The following ADCY3 variants were observed in gnomAD, a reference collection of about 807,000 sequenced individuals.
The protein encoded by ADCY3 is adenylate cyclase type 3.
In ADCY3, 70 loss-of-function variants were observed where a neutral mutation model predicts 119.4. The observed-to-expected ratio is 0.59, with a 90% CI of 0.48 to 0.72. The LOEUF is 0.72. Among genes scored for constraint, ADCY3 ranks in the 30% least tolerant of loss-of-function variants. ADCY3 has a pLI of 0.00. For synonymous variants in ADCY3, 672 were observed against 621.4 expected (o/e 1.08, Z -1.21); for missense variants, 1,238 against 1,541.6 (o/e 0.80, Z 3.30).
chr2:24,879,377 C>T (rs1289789415), intron 2 of ADCY3, among the ~76,000 whole-genome samples: 2 of 147,268 alleles, frequency 1.4e-5, no homozygotes, highest in Admixed American at 6.9e-5. Context: ...GGCATGAACC[C>T]GGGAGGCGGA....
chr2:24,877,485 G>A (rs1289159015), intron 2 of ADCY3, among the ~76,000 whole-genome samples: 1 of 152,220 alleles, frequency 6.6e-6, no homozygotes, highest in African/African-American at 2.4e-5. Flanking sequence ...CCTGAGGACA[G>A]CGGACAGGGT....
chr2:24,850,107 G>A lies in ADCY3; in HGVS notation c.826-7723C>T, dbSNP rs535316245. Among the ~76,000 whole-genome samples the A allele has an allele frequency of 3.3e-3, 497 of 151,684 alleles. 6 individuals are homozygous for A. The highest frequency in any genetic ancestry group is 0.011 in the African/African-American group (466 of 41,328). On this transcript the variant is annotated intron_variant, in intron 3 of 21. Coordinates refer to ENST00000679454, the MANE Select transcript of ADCY3 (RefSeq NM_004036.5). The stretch of plus-strand genomic sequence containing the variant: ...AACATTCCTCCCTCCCCACACCTTC[G>A]ACACCCACCTCACATGTCACCTCTC...
chr2:24,831,800 G>A, intron 11 of ADCY3, 51 bp from the exon 12 acceptor site: 2 of 1,389,748 alleles, frequency 1.4e-6, no homozygotes, highest in Non-Finnish European at 2.0e-6. Flanking sequence ...CAGTGAGATG[G>A]GGTGAGGGGC....
chr2:24,852,171 C>G (rs1010045950), intron 3 of ADCY3, among the ~76,000 whole-genome samples: 3 of 152,150 alleles, frequency 2.0e-5, no homozygotes, highest in Non-Finnish European at 4.4e-5. Context: ...TCCGGTGGGT[C>G]CTTCCTCACA....
intron 2 of ADCY3, among the ~76,000 whole-genome samples, chr2:24,876,799 C>G (rs1675765348): frequency 6.6e-6 from 1 of 152,206 alleles, no homozygotes; most frequent in Non-Finnish European, 1.5e-5. Flanking sequence ...AACTTGAACC[C>G]TAGCGAGAAT....
chr2:24,852,445 C>T (rs1025810524), intron 3 of ADCY3, among the ~76,000 whole-genome samples: 1 of 152,182 alleles, frequency 6.6e-6, no homozygotes, highest in African/African-American at 2.4e-5. Flanking sequence ...TCCATGGCTC[C>T]CTCCCCACCC....
Position 24,838,622 on chromosome 2 carries a change from C to A in ADCY3, c.1356G>T (p.Gly452=). 6.2e-7 allele frequency: 1 copy of A among 1,613,730 alleles called. No homozygotes were observed. The highest frequency in any genetic ancestry group is 8.5e-7 in the Non-Finnish European group (1 of 1,180,008). ...ANKMEAGGIP[G]RVHISQSTMD... ...TGGTGCTCTGGGAGATGTGCACGCG[C>A]CTGGATTGCAGAGAGAGAGGCCCTG... The change falls in exon 8 of 22, where the codon GGG becomes GGT. Residue 452 remains glycine, a splice_region_variant and synonymous_variant. Transcript: ENST00000679454.
In ADCY3 at chr2:24,834,583, G is replaced by A; in HGVS notation, c.1869C>T (p.Arg623=). 6.2e-7 allele frequency: 1 copy of A among 1,614,146 alleles called. No individual in the cohort carries two copies. The highest frequency in any genetic ancestry group is 8.5e-7 in the Non-Finnish European group (1 of 1,180,034). The part of the protein sequence containing the change: ...MRFMDPEMET[R]YSVEKEKQSG... ...TCTGCTTCTCCTTCTCCACCGAGTA[G>A]CGGGTTTCCATCTCGGGGTCCATGA... is the stretch of plus-strand genomic sequence containing the variant. Residue 623 remains arginine (R), a synonymous_variant, in exon 11 of 22, where the codon CGC becomes CGT. Transcript: ENST00000679454. The surrounding 1 kb of genome is among the most constrained non-coding windows in gnomAD (Gnocchi z 4.2).
intron 3 of ADCY3, among the ~76,000 whole-genome samples, chr2:24,864,854 T>G (rs1263024361): frequency 6.6e-6 from 1 of 152,208 alleles, no homozygotes. Context: ...AAATGGTAAA[T>G]TTTATACTAT....
chr2:24,846,341 G>A (rs894950023), intron 3 of ADCY3, among the ~76,000 whole-genome samples: 2 of 152,222 alleles, frequency 1.3e-5, no homozygotes, highest in African/African-American at 4.8e-5. Context: ...CAGGGGCAGA[G>A]CTGCCCGAGA....
chr2:24,848,272 A>G (rs1474686595), intron 3 of ADCY3, among the ~76,000 whole-genome samples: 2 of 152,268 alleles, frequency 1.3e-5, no homozygotes, highest in African/African-American at 4.8e-5. Flanking sequence ...TAGCATGAGC[A>G]ATCTGTGCCT....
chr2:24,827,868 G>A, intron 14 of ADCY3, 34 bp downstream of exon 14: 1 of 1,612,110 alleles, frequency 6.2e-7, no homozygotes, highest in Non-Finnish European at 8.5e-7. Flanking sequence ...GGAGGAAGGA[G>A]ACAATACAGA....
chr2:24,886,693 C>T (rs865960131), intron 2 of ADCY3, among the ~76,000 whole-genome samples: 2 of 152,212 alleles, frequency 1.3e-5, no homozygotes, highest in African/African-American at 4.8e-5. Flanking sequence ...CTCCCAGCAG[C>T]GCAAAAGCTC....
intron 3 of ADCY3, among the ~76,000 whole-genome samples, chr2:24,869,099 C>G (rs1365293661): frequency 6.6e-6 from 1 of 151,714 alleles, no homozygotes; most frequent in African/African-American, 2.4e-5. Flanking sequence ...GCTGAACAGG[C>G]TAAAACAATA....
At position 24,908,900 on chromosome 2, in the gene ADCY3, G is replaced by A. The variant is rs1398987764; in HGVS notation, c.675+9413C>T. Among the ~76,000 whole-genome samples the A allele has an allele frequency of 2.6e-5, 4 of 151,730 alleles. No individual in the cohort carries two copies. In the South Asian group the frequency reaches 6.2e-4, roughly 24 times the overall value. ...GATGTCCCATGCTGAGGGCCCCCCC[G>A]ACACACATTGGCTGCTCCACGTGTT... On this transcript the variant is annotated intron_variant, in intron 2 of 21. Transcript: ENST00000679454.
chr2:24,839,739 A>G (rs1471954875), intron 7 of ADCY3, 134 bp downstream of exon 7: 30 of 1,297,514 alleles, frequency 2.3e-5, no homozygotes, highest in Non-Finnish European at 3.3e-5. Flanking sequence ...GCGAGACAGG[A>G]GGAATGCTGT....
At chr2:24,824,614 C>T (rs186038046) in intron 16 of ADCY3, 78 bp from the exon 17 acceptor site, 109 of 1,526,744 alleles carry the variant, frequency 7.1e-5, no homozygotes, top group South Asian at 1.8e-4. Context: ...AATGGCCAGG[C>T]GTGGCGGTTC....
At chr2:24,853,722 G>A (rs1203772029) in intron 3 of ADCY3, among the ~76,000 whole-genome samples, 4 of 152,056 alleles carry the variant, frequency 2.6e-5, no homozygotes, top group Admixed American at 2.6e-4. Flanking sequence ...CTGACCTCAG[G>A]TGATCTGCCT....
intron 2 of ADCY3, among the ~76,000 whole-genome samples, chr2:24,910,555 T>A (rs1663463307): frequency 6.6e-6 from 1 of 152,142 alleles, no homozygotes; most frequent in Non-Finnish European, 1.5e-5. Context: ...CCAAATATAA[T>A]CCTTATTTGT....
Sources: allele counts gnomAD v4.1 joint callset (sites outside exome capture counted in the v4.1 genomes callset), GRCh38; gene constraint gnomAD v4.1.1; non-coding constraint Gnocchi (gnomAD v3.1); transcripts MANE v1.5; gene names NCBI Gene and HGNC (gene_info 2026-07-23, HGNC 2026-07-21).